APBA1: variants seen among roughly 807,000 people sequenced by gnomAD.
The protein encoded by APBA1 is amyloid beta precursor protein binding family A member 1, also known as amyloid-beta A4 precursor protein-binding family A member 1.
In APBA1, 55 loss-of-function variants were observed where a neutral mutation model predicts 86.6. The observed-to-expected ratio is 0.64, with a 90% CI of 0.51 to 0.80. APBA1 has a LOEUF of 0.80. Among genes scored for constraint, APBA1 ranks in the 30% least tolerant of loss-of-function variants. The probability of loss-of-function intolerance (pLI) is 0.00; values close to 1 mark genes in which losing one functional copy is unlikely to be tolerated. For synonymous variants in APBA1, 511 were observed against 493.9 expected (o/e 1.03, Z -0.46); for missense variants, 1,090 against 1,183.0 (o/e 0.92, Z 1.15).
chr9:69,506,673 C>G (rs200698907), intron 2 of APBA1, among the ~76,000 whole-genome samples: 40 of 1,452 alleles, frequency 0.028, 1 homozygote, highest in East Asian at 0.072. Flanking sequence ...CCCTGTCTGA[C>G]AGCTTTGAAG....
intron 1 of APBA1, among the ~76,000 whole-genome samples, chr9:69,661,627 A>T (rs1373657011): frequency 6.6e-6 from 1 of 152,050 alleles, no homozygotes; most frequent in Non-Finnish European, 1.5e-5. Context: ...ATTCATGTTG[A>T]CATTTAATCC....
rs144987501 is a variant in APBA1 at position 69,581,940 on chromosome 9, G to A, written c.-69-64661C>T. On this transcript the variant is annotated intron_variant, in intron 1 of 12. Transcript: ENST00000265381. ...GACCACAGCCCAGTATGGTCTAGTG[G>A]GTTGATAGAGTCCCAGATCCAAGGC... 1.3e-3 allele frequency among the ~76,000 whole-genome samples: 202 copies of A among 152,230 alleles called. 3 individuals are homozygous for A. The highest frequency in any genetic ancestry group is 4.4e-3 in the African/African-American group (183 of 41,534).
At chr9:69,624,059 C>T (rs1278375043) in intron 1 of APBA1, among the ~76,000 whole-genome samples, 5 of 152,106 alleles carry the variant, frequency 3.3e-5, no homozygotes, top group Non-Finnish European at 7.4e-5. Context: ...TTAGAACATG[C>T]TGGCAAATTG....
Position 69,449,813 on chromosome 9 carries a change from A to G in APBA1, c.1969-17T>C. 1.2e-6 allele frequency: 2 copies of G among 1,603,018 alleles called. No homozygotes were observed. The highest frequency in any genetic ancestry group is 2.2e-5 in the South Asian group (2 of 90,756). On this transcript the variant is annotated splice_polypyrimidine_tract_variant and intron_variant, in intron 9 of 12. Transcript: ENST00000265381. ...TATGAAAACCTGGAAGGAGAAAAAC[A>G]TTTAGAAAACCTCCATCAGTGACCA...
intron 1 of APBA1, among the ~76,000 whole-genome samples, chr9:69,667,636 ATC>A (rs1251005780): frequency 6.7e-6 from 1 of 149,012 alleles, no homozygotes; most frequent in East Asian, 2.0e-4. Flanking sequence ...TACATTTTCA[ATC>A]TCTTTTTCCC....
chr9:69,627,326 C>T (rs1184475999), intron 1 of APBA1, among the ~76,000 whole-genome samples: 3 of 152,040 alleles, frequency 2.0e-5, no homozygotes, highest in Admixed American at 2.0e-4. Flanking sequence ...TTTATTTCTC[C>T]TTCTCTCTCT....
intron 2 of APBA1, among the ~76,000 whole-genome samples, chr9:69,484,379 G>C (rs1225688680): frequency 6.6e-6 from 1 of 152,138 alleles, no homozygotes; most frequent in African/African-American, 2.4e-5. Flanking sequence ...GCACAAATGA[G>C]CCTGCTGTGG....
chr9:69,658,330 CTT>C (rs1823677750), intron 1 of APBA1, among the ~76,000 whole-genome samples: 10 of 137,816 alleles, frequency 7.3e-5, no homozygotes, highest in African/African-American at 2.4e-4. Flanking sequence ...TTCTTTCTTT[CTT>C]TCTTTCTTTC....
At chr9:69,592,233 A>G (rs986665220) in intron 1 of APBA1, among the ~76,000 whole-genome samples, 1 of 152,236 alleles carries the variant, frequency 6.6e-6, no homozygotes, top group Non-Finnish European at 1.5e-5. Context: ...CATATCTTAT[A>G]GTCATAATAT....
In APBA1 at chr9:69,660,777, G is replaced by C. The variant is rs574967943; in HGVS notation, c.-70+11376C>G. On this transcript the variant is annotated intron_variant, in intron 1 of 12. Transcript: ENST00000265381. ...GGCATATAGAATATACATGTGGGGG[G>C]CATACTATACATATGCTATTATCTT... 3.6e-3 allele frequency among the ~76,000 whole-genome samples: 541 copies of C among 152,264 alleles called. 6 individuals are homozygous for C. The highest frequency in any genetic ancestry group is 0.012 in the African/African-American group (518 of 41,536).
At chr9:69,669,965 C>G (rs576469739) in intron 1 of APBA1, among the ~76,000 whole-genome samples, 69 of 152,118 alleles carry the variant, frequency 4.5e-4, no homozygotes, top group Non-Finnish European at 7.5e-4. Context: ...AGGATGATGA[C>G]TTTTTTTTAA....
At chr9:69,551,398 A>G (rs758989490) in intron 1 of APBA1, among the ~76,000 whole-genome samples, 2 of 152,092 alleles carry the variant, frequency 1.3e-5, no homozygotes, top group African/African-American at 2.4e-5. Flanking sequence ...CTAAAGATAC[A>G]AAAAATTAGC....
At chr9:69,573,802 A>G (rs1588372013) in intron 1 of APBA1, among the ~76,000 whole-genome samples, 2 of 152,112 alleles carry the variant, frequency 1.3e-5, no homozygotes, top group East Asian at 3.9e-4. Flanking sequence ...GAAAAGGAAG[A>G]CTCAGCTCCA....
chr9:69,547,154 T>C (rs1466642560), intron 1 of APBA1, among the ~76,000 whole-genome samples: 1 of 152,206 alleles, frequency 6.6e-6, no homozygotes, highest in Non-Finnish European at 1.5e-5. Flanking sequence ...GCAACCCCTC[T>C]TCTCTCACGC....
At chr9:69,523,503 A>ATATG (rs1836292929) in intron 1 of APBA1, among the ~76,000 whole-genome samples, 1 of 36,934 alleles carries the variant, frequency 2.7e-5, no homozygotes, top group African/African-American at 6.5e-5. Context: ...ATATGTATAT[A>ATATG]TATATATATA....
chr9:69,604,835 CAT>C (rs985608850), intron 1 of APBA1, among the ~76,000 whole-genome samples: 32 of 149,432 alleles, frequency 2.1e-4, no homozygotes, highest in African/African-American at 3.2e-4. Context: ...CACATGCACA[CAT>C]GAGGGTAAGA....
At chr9:69,440,959 A>G (rs762957481) in intron 11 of APBA1, 37 bp downstream of exon 11, 2 of 1,601,122 alleles carry the variant, frequency 1.2e-6, no homozygotes, top group South Asian at 2.2e-5. Context: ...TTATTTGTCA[A>G]CATTGTGGAA....
chr9:69,446,786 C>T (rs1423410160), intron 10 of APBA1, among the ~76,000 whole-genome samples: 1 of 152,198 alleles, frequency 6.6e-6, no homozygotes, highest in Admixed American at 6.5e-5. Context: ...ATCTGCTGTC[C>T]CCCTTGTGGG....
At chr9:69,512,093 TAAA>T (rs1346998855) in intron 2 of APBA1, among the ~76,000 whole-genome samples, 2 of 148,812 alleles carry the variant, frequency 1.3e-5, no homozygotes, top group Middle Eastern at 3.2e-3. Flanking sequence ...AATAAATAAA[TAAA>T]AAGAAAAAAA....
Sources: allele counts gnomAD v4.1 joint callset (sites outside exome capture counted in the v4.1 genomes callset), GRCh38; gene constraint gnomAD v4.1.1; transcripts MANE v1.5; gene names NCBI Gene and HGNC (gene_info 2026-07-23, HGNC 2026-07-21).